The following GABRG3 variants were observed in gnomAD, a reference collection of about 807,000 sequenced individuals.
GABRG3 encodes the protein gamma-aminobutyric acid type A receptor subunit gamma3.
In GABRG3, 25 loss-of-function variants were observed where a neutral mutation model predicts 48.8. The ratio of observed to expected loss-of-function variants is 0.51; its 90% CI spans 0.37 to 0.72. The LOEUF is 0.72. GABRG3 is among the 30% of genes least tolerant of loss of function. The pLI is 0.00. For synonymous variants in GABRG3, 227 were observed against 217.6 expected, an observed-to-expected ratio of 1.04 and a Z score of -0.38; for missense variants, 394 against 577.9, an observed-to-expected ratio of 0.68 and a Z score of 3.26.
chr15:27,405,907 G>A (rs753252472), intron 5 of GABRG3, among the ~76,000 whole-genome samples: 1 of 152,118 alleles, frequency 6.6e-6, no homozygotes, highest in African/African-American at 2.4e-5. Context: ...GCATCCTGTA[G>A]TGCCAGGAAG....
At position 26,976,768 on chromosome 15, in the gene GABRG3, T is replaced by C. The variant is rs1341290602; in HGVS notation, c.54-234T>C. On this transcript the variant is annotated intron_variant, in intron 1 of 9. Coordinates refer to ENST00000615808, the MANE Select transcript of GABRG3 (RefSeq NM_033223.5). The surrounding 1 kb of genome is among the most constrained non-coding windows in gnomAD (Gnocchi z 7.8). ...TTAACTGGGATGGGGGATGGTCTTC[T>C]GGCATTTAATAAAAACATACCATGT... is the stretch of plus-strand genomic sequence containing the variant. Among the ~76,000 whole-genome samples the C allele has an allele frequency of 2.0e-5, 3 of 152,306 alleles. No individual in the cohort carries two copies. The highest frequency in any genetic ancestry group is 7.2e-5 in the African/African-American group (3 of 41,558).
At chr15:27,344,159 G>A (rs2077000997) in intron 5 of GABRG3, among the ~76,000 whole-genome samples, 1 of 152,170 alleles carries the variant, frequency 6.6e-6, no homozygotes, top group South Asian at 2.1e-4. Context: ...TGAGGGGTCT[G>A]GGGAGTGAGG....
chr15:27,070,176 A>G (rs2140733052), intron 3 of GABRG3, among the ~76,000 whole-genome samples: 1 of 152,362 alleles, frequency 6.6e-6, no homozygotes, highest in African/African-American at 2.4e-5. Flanking sequence ...TGTCTGCAAA[A>G]CAAAACCTTT....
intron 3 of GABRG3, among the ~76,000 whole-genome samples, chr15:27,096,501 A>G (rs190855555): frequency 1.3e-5 from 2 of 152,340 alleles, no homozygotes; most frequent in South Asian, 2.1e-4. Context: ...TGGAATCTCA[A>G]ATTGTCTTAG....
intron 3 of GABRG3, among the ~76,000 whole-genome samples, chr15:27,098,597 A>C (rs1321929040): frequency 6.6e-6 from 1 of 152,134 alleles, no homozygotes; most frequent in African/African-American, 2.4e-5. Flanking sequence ...GTTGTCATCA[A>C]GATTATTTTA....
At chr15:27,320,371 G>A (rs572663083) in intron 3 of GABRG3, among the ~76,000 whole-genome samples, 9 of 152,168 alleles carry the variant, frequency 5.9e-5, no homozygotes, top group Non-Finnish European at 8.8e-5. Context: ...AGTGCACCCC[G>A]ATGTTATTGT....
intron 3 of GABRG3, among the ~76,000 whole-genome samples, chr15:27,036,403 C>T (rs6606862): frequency 0.67 from 101,388 of 152,026 alleles, 33,843 homozygotes; most frequent in East Asian, 0.73. Context: ...GTTTCACTTT[C>T]AGATGCCGGC....
intron 6 of GABRG3, among the ~76,000 whole-genome samples, chr15:27,496,596 G>A (rs553252710): frequency 5.3e-5 from 8 of 152,216 alleles, no homozygotes; most frequent in African/African-American, 9.6e-5. Flanking sequence ...ATTTCGAAGC[G>A]TTATGATTAT....
intron 3 of GABRG3, among the ~76,000 whole-genome samples, chr15:27,112,662 A>G (rs1239408065): frequency 6.6e-6 from 1 of 151,186 alleles, no homozygotes; most frequent in African/African-American, 2.4e-5. Context: ...CTGGTCTTGA[A>G]CTCCTGAGCT....
intron 5 of GABRG3, among the ~76,000 whole-genome samples, chr15:27,462,572 G>T (rs888929464): frequency 5.9e-5 from 9 of 152,158 alleles, no homozygotes; most frequent in Non-Finnish European, 8.8e-5. Context: ...AAACTTTTAA[G>T]AAACCAGTGT....
At chr15:27,230,743 C>A (rs1889769794) in intron 3 of GABRG3, among the ~76,000 whole-genome samples, 1 of 152,024 alleles carries the variant, frequency 6.6e-6, no homozygotes. Context: ...CTATTGTGAT[C>A]TACTTATTTA....
At chr15:27,264,411 A>G (rs1234359626) in intron 3 of GABRG3, among the ~76,000 whole-genome samples, 1 of 152,168 alleles carries the variant, frequency 6.6e-6, no homozygotes, top group South Asian at 2.1e-4. Context: ...AAAATACTAT[A>G]TGAACTGCCT....
chr15:27,280,936 A>G (rs932123512), intron 3 of GABRG3, among the ~76,000 whole-genome samples: 10 of 152,200 alleles, frequency 6.6e-5, no homozygotes, highest in Admixed American at 6.5e-4. Flanking sequence ...GCCTCCAACT[A>G]TAACAGTGGA....
chr15:27,018,191 G>T (rs1895813970), intron 2 of GABRG3, among the ~76,000 whole-genome samples: 1 of 152,174 alleles, frequency 6.6e-6, no homozygotes, highest in African/African-American at 2.4e-5. Context: ...ACTTTCTCAA[G>T]GCCATATGGC....
chr15:27,215,596 A>G (rs1012630241), intron 3 of GABRG3, among the ~76,000 whole-genome samples: 1 of 152,178 alleles, frequency 6.6e-6, no homozygotes, highest in Non-Finnish European at 1.5e-5. Flanking sequence ...GCAAAGGCAC[A>G]GTTTTCCTCT....
intron 5 of GABRG3, among the ~76,000 whole-genome samples, chr15:27,334,579 G>A (rs868655748): frequency 6.6e-6 from 1 of 152,164 alleles, no homozygotes; most frequent in African/African-American, 2.4e-5. Context: ...TGGCACTGCT[G>A]CTGTTAGCGT....
At chr15:27,157,308 A>G (rs1295001632) in intron 3 of GABRG3, among the ~76,000 whole-genome samples, 1 of 152,186 alleles carries the variant, frequency 6.6e-6, no homozygotes, top group Non-Finnish European at 1.5e-5. Context: ...TTCCCATGTG[A>G]TAGTTTTCCC....
chr15:27,154,724 TTC>T (rs1434056369), intron 3 of GABRG3, among the ~76,000 whole-genome samples: 2 of 152,182 alleles, frequency 1.3e-5, no homozygotes, highest in African/African-American at 4.8e-5. Context: ...TGTTCCTGAA[TTC>T]TGTTTGTTAA....
intron 3 of GABRG3, among the ~76,000 whole-genome samples, chr15:27,216,750 T>TTTTATTTATTTATTTA (rs57072496): frequency 1.7e-4 from 22 of 125,856 alleles, no homozygotes; most frequent in African/African-American, 6.0e-4. Flanking sequence ...TTTTTTTATT[T>TTTTATTTATTTATTTA]TTTATTTATT....
Sources: allele counts gnomAD v4.1 joint callset (sites outside exome capture counted in the v4.1 genomes callset), GRCh38; gene constraint gnomAD v4.1.1; non-coding constraint Gnocchi (gnomAD v3.1); transcripts MANE v1.5; gene names NCBI Gene and HGNC (gene_info 2026-07-23, HGNC 2026-07-21).